PDE4D: variants seen among roughly 807,000 people sequenced by gnomAD.
PDE4D encodes 3',5'-cyclic-AMP phosphodiesterase 4D.
PDE4D carries 24 observed loss-of-function variants against 87.4 expected under a neutral mutation model. That is an observed-to-expected ratio of 0.27 (90% confidence interval 0.20 to 0.39). The LOEUF is 0.39. Among genes scored for constraint, PDE4D ranks in the 10% least tolerant of loss-of-function variants. PDE4D has a pLI of 1.00. For missense variants in PDE4D, 714 were observed against 1,041.0 expected, an observed-to-expected ratio of 0.69 and a Z score of 4.32; for synonymous variants, 384 against 383.2, an observed-to-expected ratio of 1.00 and a Z score of -0.02.
At chr5:59,729,561 A>G (rs1757082209) in intron 1 of PDE4D, among the ~76,000 whole-genome samples, 1 of 152,102 alleles carries the variant, frequency 6.6e-6, no homozygotes. Flanking sequence ...TTAAAATTGC[A>G]AATTCCAGAA....
chr5:60,242,501 T>C (rs1207340392), intron 1 of PDE4D, among the ~76,000 whole-genome samples: 3 of 152,130 alleles, frequency 2.0e-5, no homozygotes, highest in Admixed American at 1.3e-4. Context: ...GGACATTTCA[T>C]CCAATGGCTG....
intron 1 of PDE4D, among the ~76,000 whole-genome samples, chr5:59,521,220 G>A (rs1328966884): frequency 6.6e-6 from 1 of 152,110 alleles, no homozygotes; most frequent in African/African-American, 2.4e-5. Context: ...GAGGAATTAA[G>A]GCAGATAGAC....
chr5:59,961,277 A>G (rs1759438494), intron 3 of PDE4D, among the ~76,000 whole-genome samples: 1 of 151,666 alleles, frequency 6.6e-6, no homozygotes, highest in Non-Finnish European at 1.5e-5. Flanking sequence ...AAGATCAGAA[A>G]AAGAGAAGAC....
intron 1 of PDE4D, among the ~76,000 whole-genome samples, chr5:60,314,455 C>T (rs901805253): frequency 1.6e-4 from 24 of 152,140 alleles, no homozygotes; most frequent in African/African-American, 5.3e-4. Context: ...GAGTGAGCCA[C>T]TGCACCCGGC....
At chr5:58,998,757 A>G (rs546586743) in intron 6 of PDE4D, among the ~76,000 whole-genome samples, 1 of 152,306 alleles carries the variant, frequency 6.6e-6, no homozygotes, top group Non-Finnish European at 1.5e-5. Context: ...AGTGGCTCAA[A>G]TACCAAAAAT....
chr5:59,568,622 C>T (rs1317533639), intron 1 of PDE4D, among the ~76,000 whole-genome samples: 2 of 152,064 alleles, frequency 1.3e-5, no homozygotes, highest in Admixed American at 6.6e-5. Context: ...TGGCACATTA[C>T]CCTCTGTGGT....
intron 1 of PDE4D, among the ~76,000 whole-genome samples, chr5:59,540,605 C>A (rs1388693690): frequency 6.6e-6 from 1 of 152,116 alleles, no homozygotes; most frequent in Non-Finnish European, 1.5e-5. Flanking sequence ...AATGAGGGCC[C>A]ACACACAGGC....
chr5:59,747,935 A>G (rs1759863607), intron 1 of PDE4D, among the ~76,000 whole-genome samples: 2 of 152,138 alleles, frequency 1.3e-5, no homozygotes, highest in East Asian at 3.9e-4. Flanking sequence ...AAAACCACAC[A>G]AACATAATAC....
At chr5:60,113,508 C>G (rs1400709523) in intron 2 of PDE4D, among the ~76,000 whole-genome samples, 1 of 152,066 alleles carries the variant, frequency 6.6e-6, no homozygotes, top group Non-Finnish European at 1.5e-5. Context: ...GTGGAGGCCT[C>G]GGAGCTGGAC....
At chr5:59,665,229 A>G (rs1745881224) in intron 1 of PDE4D, among the ~76,000 whole-genome samples, 1 of 152,154 alleles carries the variant, frequency 6.6e-6, no homozygotes, top group African/African-American at 2.4e-5. Flanking sequence ...TTTAAAAGCA[A>G]CCATGACCTT....
intron 1 of PDE4D, chr5:59,586,417 C>T (rs369106859): frequency 2.8e-4 from 453 of 1,601,638 alleles, no homozygotes; most frequent in Middle Eastern, 2.2e-3. Context: ...TTGTCTCCTA[C>T]GTTACATGTA....
chr5:59,822,903 A>G (rs956592125), intron 1 of PDE4D, among the ~76,000 whole-genome samples: 3 of 152,204 alleles, frequency 2.0e-5, no homozygotes, highest in African/African-American at 7.2e-5. Context: ...TAGGGATGGA[A>G]AACGCTTTCC....
At chr5:59,242,805 G>T (rs1757943525) in intron 1 of PDE4D, among the ~76,000 whole-genome samples, 1 of 152,168 alleles carries the variant, frequency 6.6e-6, no homozygotes, top group African/African-American at 2.4e-5. Flanking sequence ...AACTGAGGCA[G>T]AGAGGAGTTA....
At chr5:59,916,891 A>G (rs1401671648) in intron 3 of PDE4D, among the ~76,000 whole-genome samples, 1 of 149,810 alleles carries the variant, frequency 6.7e-6, no homozygotes. Context: ...GGGTTCAAGC[A>G]ATTTTCCTGC....
At chr5:59,944,569 C>T (rs1354090218) in intron 3 of PDE4D, among the ~76,000 whole-genome samples, 1 of 152,164 alleles carries the variant, frequency 6.6e-6, no homozygotes, top group Admixed American at 6.5e-5. Flanking sequence ...GACAGGGTTT[C>T]ACCGTGTTAG....
intron 1 of PDE4D, among the ~76,000 whole-genome samples, chr5:59,650,130 G>A (rs527871966): frequency 2.0e-5 from 3 of 151,654 alleles, no homozygotes; most frequent in Non-Finnish European, 4.4e-5. Context: ...TAATTTCAAA[G>A]AGGAAAAATA....
intron 1 of PDE4D, among the ~76,000 whole-genome samples, chr5:59,742,045 A>ATCATCATCATCTTCTTTT (rs1467279781): frequency 3.3e-5 from 5 of 151,944 alleles, no homozygotes; most frequent in African/African-American, 1.2e-4. Flanking sequence ...CATCATCATC[A>ATCATCATCATCTTCTTTT]TCATCATCAT....
At chr5:59,762,646 G>A (rs1193325515) in intron 1 of PDE4D, among the ~76,000 whole-genome samples, 1 of 136,328 alleles carries the variant, frequency 7.3e-6, no homozygotes, top group East Asian at 2.0e-4. Flanking sequence ...GTACACATAT[G>A]TGTATATGTG....
intron 5 of PDE4D, among the ~76,000 whole-genome samples, chr5:59,178,856 G>T (rs1740785871): frequency 6.6e-6 from 1 of 152,102 alleles, no homozygotes; most frequent in Non-Finnish European, 1.5e-5. Context: ...CTTGATAGGG[G>T]TCAGATTTAG....
Sources: gnomAD v4.1 joint callset for allele counts (sites outside exome capture counted in the v4.1 genomes callset) on GRCh38, gnomAD v4.1.1 for gene constraint, MANE v1.5 for transcripts, NCBI Gene and HGNC (gene_info 2026-07-23, HGNC 2026-07-21) for gene names.